The following PLEKHB2 variants were observed in gnomAD, a reference collection of about 807,000 sequenced individuals.
The protein encoded by PLEKHB2 is pleckstrin homology domain-containing family B member 2.
A neutral mutation model predicts 36.5 loss-of-function variants in PLEKHB2; 31 were observed. The ratio of observed to expected loss-of-function variants is 0.85; its 90% confidence interval spans 0.64 to 1.15. The LOEUF is 1.15. Among genes scored for constraint, PLEKHB2 ranks in the 50% most tolerant of loss-of-function variants. PLEKHB2 has a pLI of 0.00. For synonymous variants in PLEKHB2, 119 were observed against 112.0 expected (o/e 1.06, Z -0.39); for missense variants, 262 against 295.3 (o/e 0.89, Z 0.83).
rs188221554 is a variant in PLEKHB2 at position 131,113,504 on chromosome 2, T to C, written c.-8-7430T>C. On this transcript the variant is annotated intron_variant, in intron 1 of 7. Coordinates refer to ENST00000693505, the MANE Select transcript of PLEKHB2 (RefSeq NM_001100623.2). ...CAGTATTTTTTTCTACTCAGACTGA[T>C]GATACTTGCTCTGTATTCCTATTTA... Among the ~76,000 whole-genome samples the C allele has an allele frequency of 2.1e-3, 320 of 152,314 alleles. 1 individual carries two copies. The highest frequency in any genetic ancestry group is 0.014 in the Middle Eastern group (4 of 294).
rs750494314 is a variant in PLEKHB2 at position 131,126,735 on chromosome 2, G to A, written c.242G>A (p.Cys81Tyr). ...KSKDCMLQIV[C>Y]RDGKTISLCA... is the part of the protein sequence containing the mutation. ...AAAGACTGCATGCTCCAGATTGTTT[G>A]TCGAGATGGGAAAACAATTAGTCTT... The change falls in exon 4 of 8, where the codon TGT (cysteine) becomes TAT (tyrosine). Residue 81 changes from cysteine to tyrosine, a missense_variant. Coordinates refer to ENST00000693505, the MANE Select transcript of PLEKHB2 (RefSeq NM_001100623.2). The A allele has an allele frequency of 6.2e-7, 1 of 1,612,152 alleles. No homozygotes were observed.
intron 7 of PLEKHB2, among the ~76,000 whole-genome samples, chr2:131,144,702 C>T (rs1390210153): frequency 6.6e-6 from 1 of 152,222 alleles, no homozygotes; most frequent in East Asian, 1.9e-4. Flanking sequence ...CCACAGCTGA[C>T]TCTGGCAAGG....
chr2:131,116,721 G>A (rs1426945536), intron 1 of PLEKHB2, among the ~76,000 whole-genome samples: 1 of 152,142 alleles, frequency 6.6e-6, no homozygotes, highest in Non-Finnish European at 1.5e-5. Context: ...GGGACACAGA[G>A]CCAAACCATA....
At position 131,149,489 on chromosome 2, in the gene PLEKHB2, G is replaced by A. The variant is rs189346325; in HGVS notation, c.*2716G>A. The A allele has an allele frequency of 1.4e-4, 21 of 152,304 alleles. No individual in the cohort carries two copies. The highest frequency in any genetic ancestry group is 5.1e-4 in the African/African-American group (21 of 41,554). The allele number at this position is 152,304 out of a possible 1,614,324, so 9.4% of individuals were successfully genotyped here. A position where few individuals can be genotyped will look rare whatever the true frequency, so the allele number is the denominator to read the frequency against. ...GGATACTAAAGAGAAGGAGAACTGT[G>A]GTTAATGTTTTGGATCATCATTTGT... is the stretch of plus-strand genomic sequence containing the variant. On this transcript the variant is annotated 3_prime_UTR_variant, in exon 8 of 8. Transcript: ENST00000693505.
chr2:131,126,774 C>T lies in PLEKHB2; in HGVS notation c.281C>T (p.Thr94Ile). The T allele has an allele frequency of 1.3e-6, 2 of 1,576,984 alleles. No individual in the cohort carries two copies. The highest frequency in any genetic ancestry group is 8.7e-7 in the Non-Finnish European group (1 of 1,146,438). ...ACAATTAGTCTTTGTGCAGAAAGCA[C>T]AGATGATTGCTTGTAAGTTTTGCTT... is the stretch of plus-strand genomic sequence containing the variant. ...GKTISLCAES[T>I]DDCLAWKFTL... The change falls in exon 4 of 8, where the codon ACA (threonine) becomes ATA (isoleucine). Residue 94 changes from threonine to isoleucine, a missense_variant. Coordinates refer to ENST00000693505, the MANE Select transcript of PLEKHB2 (RefSeq NM_001100623.2).
intron 1 of PLEKHB2, among the ~76,000 whole-genome samples, chr2:131,116,156 A>G (rs982897415): frequency 6.6e-6 from 1 of 152,210 alleles, no homozygotes; most frequent in African/African-American, 2.4e-5. Flanking sequence ...TTTATTTTAT[A>G]TAGGCACATG....
rs553573885 is a variant in PLEKHB2 at position 131,132,967 on chromosome 2, G to A, written c.399G>A (p.Thr133=). Residue 133 remains threonine (T), a synonymous_variant, in exon 6 of 8, where the codon ACG becomes ACA. Transcript: ENST00000693505. ...TSVVSSPPPY[T]AYAAPAPEQA... Reference sequence around the variant, plus strand: ...TGGTTTCCTCACCTCCACCATACACGGCCTATGCTGCACCGGCCCCTGAGG... The same window carrying A: ...TGGTTTCCTCACCTCCACCATACACAGCCTATGCTGCACCGGCCCCTGAGG... 2.5e-6 allele frequency: 4 copies of A among 1,613,766 alleles called. No individual in the cohort carries two copies. Among genetic ancestry groups the A allele is most frequent in the African/African-American group, 2.7e-5 (2 of 74,974 alleles).
chr2:131,114,226 C>T (rs957974210), intron 1 of PLEKHB2, among the ~76,000 whole-genome samples: 1 of 152,100 alleles, frequency 6.6e-6, no homozygotes, highest in Non-Finnish European at 1.5e-5. Flanking sequence ...CCTGGGTTCG[C>T]ACCATTCTCC....
At chr2:131,111,337 C>G (rs1471092259) in intron 1 of PLEKHB2, among the ~76,000 whole-genome samples, 3 of 146,528 alleles carry the variant, frequency 2.0e-5, no homozygotes, top group Non-Finnish European at 4.5e-5. Flanking sequence ...GGCTCATCCT[C>G]TAATTTTTTT....
chr2:131,144,403 T>C, intron 7 of PLEKHB2: 2 of 1,225,346 alleles, frequency 1.6e-6, no homozygotes, highest in Non-Finnish European at 2.0e-6. Context: ...ATTTCTGTCT[T>C]GTAGAGACCA....
intron 2 of PLEKHB2, among the ~76,000 whole-genome samples, chr2:131,124,132 A>G (rs1696853755): frequency 6.6e-6 from 1 of 152,164 alleles, no homozygotes. Context: ...GATATGAGCC[A>G]TTGCGCCCAG....
intron 1 of PLEKHB2, among the ~76,000 whole-genome samples, chr2:131,118,405 G>C (rs1390058712): frequency 6.6e-6 from 1 of 152,188 alleles, no homozygotes; most frequent in Non-Finnish European, 1.5e-5. Context: ...AGTATGGGGT[G>C]ACTGAGGCTT....
At chr2:131,108,670 C>T (rs1694974945) in intron 1 of PLEKHB2, among the ~76,000 whole-genome samples, 1 of 152,192 alleles carries the variant, frequency 6.6e-6, no homozygotes, top group South Asian at 2.1e-4. Context: ...AGAAAGTTTA[C>T]AAATTTGTGT....
intron 7 of PLEKHB2, among the ~76,000 whole-genome samples, chr2:131,142,896 A>C (rs748529215): frequency 6.6e-6 from 1 of 151,960 alleles, no homozygotes; most frequent in African/African-American, 2.4e-5. Flanking sequence ...ACTAGACTCT[A>C]TCTCTATATG....
intron 2 of PLEKHB2, among the ~76,000 whole-genome samples, chr2:131,121,615 A>C (rs1010454997): frequency 3.3e-5 from 5 of 152,130 alleles, no homozygotes; most frequent in African/African-American, 1.2e-4. Flanking sequence ...AGATACTGGA[A>C]CAGAGGTGCT....
At chr2:131,137,554 T>C (rs910153751) in intron 6 of PLEKHB2, among the ~76,000 whole-genome samples, 1 of 152,216 alleles carries the variant, frequency 6.6e-6, no homozygotes, top group Admixed American at 6.5e-5. Flanking sequence ...TAGAGTTCTT[T>C]ATGGTGTTTT....
intron 1 of PLEKHB2, among the ~76,000 whole-genome samples, chr2:131,110,574 G>A (rs1695202789): frequency 6.6e-6 from 1 of 152,080 alleles, no homozygotes; most frequent in Admixed American, 6.6e-5. Context: ...ATGTCTCACT[G>A]TGTTGCTGGG....
chr2:131,126,086 T>C (rs1247121820), intron 3 of PLEKHB2, among the ~76,000 whole-genome samples, 181 bp downstream of exon 3: 1 of 152,148 alleles, frequency 6.6e-6, no homozygotes, highest in East Asian at 1.9e-4. Flanking sequence ...TCGGGAAATA[T>C]CAGTGTTCTC....
At chr2:131,107,751 TTCCCGGGTTCAAGGGAG>T (rs1388518964) in intron 1 of PLEKHB2, 4 of 152,250 alleles carry the variant, frequency 2.6e-5, no homozygotes, top group Non-Finnish European at 5.9e-5. Context: ...CAACCTCCGC[TTCCCGGGTTCAAGGGAG>T]TCCCCTGCCT....
Sources: gnomAD v4.1 joint callset for allele counts (sites outside exome capture counted in the v4.1 genomes callset) on GRCh38, gnomAD v4.1.1 for gene constraint, MANE v1.5 for transcripts, NCBI Gene and HGNC (gene_info 2026-07-23, HGNC 2026-07-21) for gene names.